Variants in PXN observed in about 807,000 individuals in gnomAD.
The protein encoded by PXN is testicular tissue protein Li 134.
In PXN, 61 loss-of-function variants were observed where a neutral mutation model predicts 103.6. The ratio of observed to expected loss-of-function variants is 0.59; its 90% CI spans 0.48 to 0.73. The LOEUF (loss-of-function observed/expected upper bound fraction) is 0.73, where lower values mean the gene tolerates loss of function less well. Ranked by LOEUF, PXN falls within the 30% of genes least tolerant of loss-of-function variation. The pLI is 0.00. For missense variants in PXN, 1,274 were observed against 1,460.3 expected (o/e 0.87, Z 2.08); for synonymous variants, 562 against 607.8 (o/e 0.92, Z 1.11).
chr12:120,247,844 G>C (rs1891431691), intron 1 of PXN: 1 of 152,126 alleles, frequency 6.6e-6, no homozygotes, highest in Non-Finnish European at 1.5e-5. Context: ...AAGAAAAAAA[G>C]AAAGAAAGTT....
At chr12:120,218,218 AT>A (rs1883913475) in intron 7 of PXN, among the ~76,000 whole-genome samples, 1 of 150,262 alleles carries the variant, frequency 6.7e-6, no homozygotes, top group Admixed American at 6.6e-5. Context: ...CTAATCTTTA[AT>A]TTTTTGTAGA....
At chr12:120,231,610 T>C (rs1483873343) in intron 1 of PXN, among the ~76,000 whole-genome samples, 1 of 152,182 alleles carries the variant, frequency 6.6e-6, no homozygotes, top group Admixed American at 6.5e-5. Flanking sequence ...CCAGGCTTCC[T>C]ACAGGCCTAG....
Position 120,219,653 on chromosome 12 carries a change from G to A in PXN, c.1270C>T (p.Pro424Ser). Residue 424 changes from proline (P) to serine (S), a missense_variant, in exon 7 of 15, where the codon CCT becomes TCT. This residue lies in a region of PXN where 1,178 missense variants were observed against 1,309.0 expected (regional missense o/e 0.90). Transcript: ENST00000637617. This position sits in a 1 kb window ranked among gnomAD's most constrained non-coding sequence, Gnocchi z 6.5. ...GCCAAGGCCTCCTCTGGGCACGAAGGGCTGGCTGGTGGCCCCTGGGGCTCC... is the reference window on the plus strand; with the variant it reads ...GCCAAGGCCTCCTCTGGGCACGAAGAGCTGGCTGGTGGCCCCTGGGGCTCC... ...PGEPQGPPASPSCPEEALAAT... is the reference protein window; with the variant it reads ...PGEPQGPPASSSCPEEALAAT... 1 of 1,583,096 alleles carries A rather than the reference G, an allele frequency of 6.3e-7. No homozygotes were observed. The highest frequency in any genetic ancestry group is 8.5e-7 in the Non-Finnish European group (1 of 1,172,966).
rs1345695171 is a variant in PXN at position 120,214,301 on chromosome 12, G to A, written c.2749-84C>T. 2.1e-5 allele frequency: 25 copies of A among 1,180,060 alleles called. No homozygotes were observed. Among genetic ancestry groups the A allele is most frequent in the East Asian group, 5.1e-5 (2 of 39,238 alleles). The allele number at this position is 1,180,060 out of a possible 1,614,324, so 73.1% of individuals were successfully genotyped here. A position where few individuals can be genotyped will look rare whatever the true frequency, so the allele number is the denominator to read the frequency against. The stretch of plus-strand genomic sequence containing the variant: ...GCCCAGCAAGGCCGTCCTTCCACCC[G>A]CAGCTCATAGCCATAGACAGAGCAA... On this transcript the variant is annotated intron_variant, in intron 12 of 14. Coordinates refer to ENST00000637617, the MANE Select transcript of PXN (RefSeq NM_001385981.1). This position sits in a 1 kb window ranked among gnomAD's most constrained non-coding sequence, Gnocchi z 5.0.
intron 1 of PXN, among the ~76,000 whole-genome samples, chr12:120,255,517 A>G (rs571336606): frequency 8.9e-4 from 136 of 152,192 alleles, no homozygotes; most frequent in African/African-American, 3.1e-3. Context: ...ACTATGGTGA[A>G]ACCCCATCTC....
rs183312004 is a variant in PXN at position 120,254,362 on chromosome 12, G to T, written c.13+11255C>A. On this transcript the variant is annotated intron_variant, in intron 1 of 14. Coordinates refer to ENST00000637617, the MANE Select transcript of PXN (RefSeq NM_001385981.1). The stretch of plus-strand genomic sequence containing the variant: ...TATGAGGGCTGAAGTTAAGAAAATC[G>T]TACTCGGGATTTTCGGATTTTTGTT... Among the ~76,000 whole-genome samples, 34 of 152,254 alleles carry T rather than the reference G, an allele frequency of 2.2e-4. No individual in the cohort carries two copies. The East Asian group carries it at 5.6e-3, about 25-fold the overall frequency.
At chr12:120,247,048 A>G (rs1287022571) in intron 1 of PXN, among the ~76,000 whole-genome samples, 2 of 146,466 alleles carry the variant, frequency 1.4e-5, no homozygotes, top group Non-Finnish European at 2.9e-5. Flanking sequence ...TTTTAAAAAA[A>G]AGAAGGCTAG....
intron 1 of PXN, among the ~76,000 whole-genome samples, chr12:120,237,904 G>A (rs1430805558): frequency 6.6e-6 from 1 of 152,130 alleles, no homozygotes; most frequent in Non-Finnish European, 1.5e-5. Flanking sequence ...ACTGAGCTTT[G>A]TAGGCTCCCC....
At chr12:120,235,495 G>T (rs932635440) in intron 1 of PXN, among the ~76,000 whole-genome samples, 2 of 152,098 alleles carry the variant, frequency 1.3e-5, no homozygotes, top group Non-Finnish European at 2.9e-5. Flanking sequence ...GTTCTTCCCA[G>T]GATGCCCCAC....
chr12:120,263,766 T>G (rs1392577720), intron 1 of PXN, among the ~76,000 whole-genome samples: 1 of 152,204 alleles, frequency 6.6e-6, no homozygotes, highest in Non-Finnish European at 1.5e-5. Context: ...TACAGTACTC[T>G]CTTTCCTTTC....
rs1887583198 is a variant in PXN at position 120,229,454 on chromosome 12, C to T, written c.14-5077G>A. ...AGCGATTCCATTCTCTCCTCCCAGGCTCTGAGGACTTTCAGTGTTACAACT... is the reference window on the plus strand; with the variant it reads ...AGCGATTCCATTCTCTCCTCCCAGGTTCTGAGGACTTTCAGTGTTACAACT... On this transcript the variant is annotated intron_variant, in intron 1 of 14. Coordinates refer to ENST00000637617, the MANE Select transcript of PXN (RefSeq NM_001385981.1). This position sits in a 1 kb window ranked among gnomAD's most constrained non-coding sequence, Gnocchi z 4.0. 6.6e-6 allele frequency among the ~76,000 whole-genome samples: 1 copy of T among 152,178 alleles called. No individual in the cohort carries two copies. Among genetic ancestry groups the T allele is most frequent in the Non-Finnish European group, 1.5e-5 (1 of 68,028 alleles).
At position 120,222,447 on chromosome 12, in the gene PXN, C is replaced by T. The variant is rs932940274; in HGVS notation, c.695+102G>A. ...CCCAGTGCCTGGCAAATGGCAGACA[C>T]GGGAGGGAGTGGGTGATACCAGGGC... On this transcript the variant is annotated intron_variant, in intron 5 of 14. Transcript: ENST00000637617. The surrounding 1 kb of genome is among the most constrained non-coding windows in gnomAD (Gnocchi z 4.7). 1.8e-5 allele frequency: 23 copies of T among 1,293,768 alleles called. No homozygotes were observed. The highest frequency in any genetic ancestry group is 1.0e-4 in the East Asian group (4 of 39,252). 80.1% of individuals were successfully genotyped at this position (1,293,768 alleles called of 1,614,324 possible). A position where few individuals can be genotyped will look rare whatever the true frequency, so the allele number is the denominator to read the frequency against.
chr12:120,221,076 G>A lies in PXN; in HGVS notation c.831+547C>T, dbSNP rs185273074. On this transcript the variant is annotated intron_variant, in intron 6 of 14. Coordinates refer to ENST00000637617, the MANE Select transcript of PXN (RefSeq NM_001385981.1). This position sits in a 1 kb window ranked among gnomAD's most constrained non-coding sequence, Gnocchi z 6.6. ...CCCATGGTTTCCCACAGACACGCTCGTGGGAACTCAGAGGCCCTGGAGGGC... is the reference window on the plus strand; with the variant it reads ...CCCATGGTTTCCCACAGACACGCTCATGGGAACTCAGAGGCCCTGGAGGGC... Among the ~76,000 whole-genome samples the A allele has an allele frequency of 6.6e-6, 1 of 152,174 alleles. No individual in the cohort carries two copies. The highest frequency in any genetic ancestry group is 1.5e-5 in the Non-Finnish European group (1 of 68,026).
In PXN at chr12:120,219,670, T is replaced by G; in HGVS notation, c.1253A>C (p.Gln418Pro). Reference sequence around the variant, plus strand: ...GCACGAAGGGCTGGCTGGTGGCCCCTGGGGCTCCCCAGGCTCTTGGAGAGC... The same window carrying G: ...GCACGAAGGGCTGGCTGGTGGCCCCGGGGGCTCCCCAGGCTCTTGGAGAGC... The part of the protein sequence containing the change: ...STALQEPGEP[Q>P]GPPASPSCPE... Residue 418 changes from glutamine to proline, a missense_variant, in exon 7 of 15, where the codon CAG becomes CCG. Gln to Pro is a moderately conservative substitution (Grantham distance 76). Around this residue, in one of 2 missense-constraint regions of PXN, gnomAD observed 1,178 missense variants for 1,309.0 expected, o/e 0.90. Transcript: ENST00000637617. This position sits in a 1 kb window ranked among gnomAD's most constrained non-coding sequence, Gnocchi z 6.5. The G allele has an allele frequency of 6.3e-7, 1 of 1,586,886 alleles. No homozygotes were observed. Among genetic ancestry groups the G allele is most frequent in the Non-Finnish European group, 8.5e-7 (1 of 1,174,804 alleles).
At chr12:120,233,393 A>G (rs1266205033) in intron 1 of PXN, among the ~76,000 whole-genome samples, 3 of 151,508 alleles carry the variant, frequency 2.0e-5, no homozygotes, top group African/African-American at 7.3e-5. Flanking sequence ...TGCAGCCTCC[A>G]CCTCCCGGGT....
At chr12:120,218,503 A>G (rs1883998331) in intron 7 of PXN, among the ~76,000 whole-genome samples, 1 of 152,122 alleles carries the variant, frequency 6.6e-6, no homozygotes, top group Non-Finnish European at 1.5e-5. Flanking sequence ...CCTCCTGAGT[A>G]GCTGGGATTA....
chr12:120,248,970 CTACTAAAA>C (rs929536722), intron 1 of PXN, among the ~76,000 whole-genome samples: 8 of 151,972 alleles, frequency 5.3e-5, no homozygotes, highest in Non-Finnish European at 1.2e-4. Flanking sequence ...AACTCCATCT[CTACTAAAA>C]ATACAAAACT....
In PXN at chr12:120,213,832, G is replaced by A. The variant is rs1297787637; in HGVS notation, c.2979+10C>T. Reference sequence around the variant, plus strand: ...CCTCGCCCCTCCAGATGTGGTCAGGGGCTCCTTACCCGGCACACAAAGCAC... The same window carrying A: ...CCTCGCCCCTCCAGATGTGGTCAGGAGCTCCTTACCCGGCACACAAAGCAC... On this transcript the variant is annotated intron_variant, in intron 14 of 14. Coordinates refer to ENST00000637617, the MANE Select transcript of PXN (RefSeq NM_001385981.1). The surrounding 1 kb of genome is among the most constrained non-coding windows in gnomAD (Gnocchi z 4.2). 3.7e-6 allele frequency: 6 copies of A among 1,607,768 alleles called. No individual in the cohort carries two copies. The highest frequency in any genetic ancestry group is 5.1e-6 in the Non-Finnish European group (6 of 1,177,322).
chr12:120,215,012 G>T lies in PXN; in HGVS notation c.2575-14C>A, dbSNP rs373620976. The T allele has an allele frequency of 9.2e-5, 148 of 1,611,726 alleles. No homozygotes were observed. The African/African-American group carries it at 1.9e-3, about 20-fold the overall frequency. On this transcript the variant is annotated splice_polypyrimidine_tract_variant and intron_variant, in intron 11 of 14. Transcript: ENST00000637617. The surrounding 1 kb of genome is among the most constrained non-coding windows in gnomAD (Gnocchi z 4.9). ...GGCGGTCACAACCTGAGGAGGAGAT[G>T]GAATGCGGTCCAGGGCCAAGGCCAG...
Sources: allele counts gnomAD v4.1 joint callset (sites outside exome capture counted in the v4.1 genomes callset), GRCh38; gene constraint gnomAD v4.1.1; regional missense constraint gnomAD v4.1.1; non-coding constraint Gnocchi (gnomAD v3.1); transcripts MANE v1.5; gene names NCBI Gene and HGNC (gene_info 2026-07-23, HGNC 2026-07-21).